The following PLXNA2 variants were observed in gnomAD, a reference collection of about 807,000 sequenced individuals.
The protein encoded by PLXNA2 is plexin A2.
In PLXNA2, 91 loss-of-function variants were observed where a neutral mutation model predicts 193.5. The observed-to-expected ratio is 0.47, with a 90% CI of 0.40 to 0.56. The LOEUF (loss-of-function observed/expected upper bound fraction) is 0.56, where lower values mean the gene tolerates loss of function less well. PLXNA2 is among the 20% of genes least tolerant of loss of function. The pLI is 0.00. For missense variants in PLXNA2, 1,995 were observed against 2,503.2 expected (o/e 0.80, Z 4.33); for synonymous variants, 997 against 1,027.3 (o/e 0.97, Z 0.56).
Position 208,027,228 on chromosome 1 carries a change from G to A in PLXNA2, c.*15C>T. 3 of 1,605,088 alleles carry A rather than the reference G, an allele frequency of 1.9e-6. No homozygotes were observed. Among genetic ancestry groups the A allele is most frequent in the Non-Finnish European group, 2.6e-6 (3 of 1,172,740 alleles). On this transcript the variant is annotated 3_prime_UTR_variant, in exon 32 of 32. Transcript: ENST00000367033. ...TGGACAGGTCCCTCTTCCCAGGAAT[G>A]CGAGGCTCCTCCTCTCAGCTCTCAA...
intron 3 of PLXNA2, among the ~76,000 whole-genome samples, chr1:208,143,077 A>G (rs917552071): frequency 2.6e-5 from 4 of 152,228 alleles, no homozygotes; most frequent in Non-Finnish European, 5.9e-5. Flanking sequence ...AATAAGTCAG[A>G]AAGGACTGAG....
chr1:208,050,669 AAAT>A (rs373499468), intron 17 of PLXNA2, among the ~76,000 whole-genome samples: 9 of 152,066 alleles, frequency 5.9e-5, no homozygotes, highest in Middle Eastern at 3.4e-3. Context: ...CTCATCTCTA[AAAT>A]AATAATAATA....
chr1:208,198,378 G>A (rs1198158260), intron 3 of PLXNA2, among the ~76,000 whole-genome samples: 7 of 152,212 alleles, frequency 4.6e-5, no homozygotes, highest in African/African-American at 7.2e-5. Flanking sequence ...CGGGGGCTCC[G>A]AGGGATGCAT....
intron 26 of PLXNA2, among the ~76,000 whole-genome samples, chr1:208,035,254 T>C (rs138715885): frequency 2.2e-3 from 329 of 152,318 alleles, no homozygotes; most frequent in Admixed American, 5.1e-3. Context: ...GAGCCAATAT[T>C]TGTAGCCAGG....
chr1:208,044,759 T>A lies in PLXNA2; in HGVS notation c.3640-17A>T, dbSNP rs768318466. The A allele has an allele frequency of 2.8e-5, 45 of 1,585,812 alleles. No homozygotes were observed. The Admixed American group carries it at 7.2e-4, about 26-fold the overall frequency. On this transcript the variant is annotated splice_polypyrimidine_tract_variant and intron_variant, in intron 19 of 31. Transcript: ENST00000367033. The surrounding 1 kb of genome is among the most constrained non-coding windows in gnomAD (Gnocchi z 4.9). ...CACGTGAACCTGTGCATTGTACACA[T>A]ACAGACGCACATGGATGCACACAGG...
At chr1:208,127,540 A>C (rs1011060170) in intron 4 of PLXNA2, among the ~76,000 whole-genome samples, 1 of 152,160 alleles carries the variant, frequency 6.6e-6, no homozygotes. Flanking sequence ...CCTCAGTCCA[A>C]TTGGCTCAGA....
At chr1:208,225,566 G>A (rs959329392) in intron 1 of PLXNA2, among the ~76,000 whole-genome samples, 2 of 152,182 alleles carry the variant, frequency 1.3e-5, no homozygotes, top group Non-Finnish European at 2.9e-5. Context: ...TCTAGCCTCG[G>A]CCTCCCAAAA....
At chr1:208,199,701 G>GA (rs1160810851) in intron 3 of PLXNA2, among the ~76,000 whole-genome samples, 1 of 136,960 alleles carries the variant, frequency 7.3e-6, no homozygotes, top group Non-Finnish European at 1.6e-5. Context: ...AAAAAAAAAA[G>GA]AAAAAAAAAA....
chr1:208,125,647 G>A (rs999437874), intron 4 of PLXNA2, among the ~76,000 whole-genome samples: 1 of 152,158 alleles, frequency 6.6e-6, no homozygotes, highest in African/African-American at 2.4e-5. Context: ...GTAATCCTCT[G>A]TGATCATATT....
At chr1:208,068,011 A>T (rs1405382269) in intron 12 of PLXNA2, among the ~76,000 whole-genome samples, 1 of 152,038 alleles carries the variant, frequency 6.6e-6, no homozygotes, top group African/African-American at 2.4e-5. Context: ...CCCTTAGTAG[A>T]TTTACTAGCC....
At chr1:208,048,362 A>G (rs950111031) in intron 17 of PLXNA2, among the ~76,000 whole-genome samples, 1 of 152,086 alleles carries the variant, frequency 6.6e-6, no homozygotes. Context: ...CCTCTCTCCT[A>G]CCATTCCTGA....
chr1:208,136,035 A>G (rs899956277), intron 4 of PLXNA2, among the ~76,000 whole-genome samples: 6 of 152,200 alleles, frequency 3.9e-5, no homozygotes, highest in Non-Finnish European at 1.5e-5. Flanking sequence ...AGCCCAACAC[A>G]CATGGCAGGG....
intron 10 of PLXNA2, 134 bp downstream of exon 10, chr1:208,084,246 C>T (rs2102390097): frequency 1.1e-6 from 1 of 918,400 alleles, no homozygotes; most frequent in Non-Finnish European, 1.6e-6. Context: ...TGGCTGGCTC[C>T]TGCATCCCTG....
rs990333080 is a variant in PLXNA2 at position 208,148,574 on chromosome 1, T to C, written c.1372-6111A>G. The stretch of plus-strand genomic sequence containing the variant: ...TAAAATGAGTTATTAGCTATGAATG[T>C]CAGTACTGTCCAATATTGATTTATT... On this transcript the variant is annotated intron_variant, in intron 3 of 31. Transcript: ENST00000367033. Among the ~76,000 whole-genome samples the C allele has an allele frequency of 2.6e-5, 4 of 152,228 alleles. No individual in the cohort carries two copies. In the East Asian group the frequency reaches 7.7e-4, roughly 29 times the overall value.
chr1:208,073,686 T>C (rs1439631980), intron 12 of PLXNA2, among the ~76,000 whole-genome samples: 3 of 151,942 alleles, frequency 2.0e-5, no homozygotes, highest in Non-Finnish European at 2.9e-5. Flanking sequence ...CTTCTTTGGA[T>C]ATAGGGTCTT....
intron 3 of PLXNA2, among the ~76,000 whole-genome samples, chr1:208,199,655 C>T (rs1050702634): frequency 2.0e-5 from 3 of 151,002 alleles, no homozygotes; most frequent in African/African-American, 7.3e-5. Context: ...CACGCCACTG[C>T]ACTCCAGCCT....
intron 26 of PLXNA2, 33 bp from the exon 27 acceptor site, chr1:208,034,625 G>T: frequency 1.5e-6 from 2 of 1,324,238 alleles, no homozygotes; most frequent in Non-Finnish European, 2.2e-6. Flanking sequence ...AGTACAAAAG[G>T]TGAATGTAGG....
chr1:208,170,798 G>A (rs1055509497), intron 3 of PLXNA2, among the ~76,000 whole-genome samples: 2 of 151,914 alleles, frequency 1.3e-5, no homozygotes. Context: ...AAGTGCCTCC[G>A]GAGTGATAAA....
intron 4 of PLXNA2, among the ~76,000 whole-genome samples, chr1:208,112,008 C>A (rs181005507): frequency 1.3e-5 from 2 of 152,150 alleles, no homozygotes; most frequent in African/African-American, 2.4e-5. Flanking sequence ...GACCTGAGGG[C>A]GGAGTGCAGT....
Sources: gnomAD v4.1 joint callset for allele counts (sites outside exome capture counted in the v4.1 genomes callset) on GRCh38, gnomAD v4.1.1 for gene constraint, Gnocchi (gnomAD v3.1) non-coding constraint, MANE v1.5 for transcripts, NCBI Gene and HGNC (gene_info 2026-07-23, HGNC 2026-07-21) for gene names.